The following AP1S3 variants were observed in gnomAD, a reference collection of about 807,000 sequenced individuals.
AP1S3 encodes adaptor related protein complex 1 subunit sigma 3.
A neutral mutation model predicts 20.9 loss-of-function variants in AP1S3; 10 were observed. The observed-to-expected ratio is 0.48, with a 90% CI of 0.29 to 0.81. The LOEUF is 0.81. Ranked by LOEUF, AP1S3 falls within the 30% of genes least tolerant of loss-of-function variation. The probability of loss-of-function intolerance (pLI) is 0.08; values close to 1 mark genes in which losing one functional copy is unlikely to be tolerated. For missense variants in AP1S3, 154 were observed against 183.8 expected (o/e 0.84, Z 0.94); for synonymous variants, 41 against 61.5 (o/e 0.67, Z 1.56).
chr2:223,758,784 C>G (rs746612168), intron 4 of AP1S3, 34 bp from the exon 5 acceptor site: 33 of 1,581,588 alleles, frequency 2.1e-5, no homozygotes, highest in Non-Finnish European at 2.8e-5. Flanking sequence ...ACAATTTTCC[C>G]TTTAAGTCAC....
intron 1 of AP1S3, among the ~76,000 whole-genome samples, chr2:223,821,317 A>T (rs1691982382): frequency 6.6e-6 from 1 of 151,930 alleles, no homozygotes; most frequent in Non-Finnish European, 1.5e-5. Flanking sequence ...CACCACACCC[A>T]GCTAATTTTT....
At chr2:223,827,068 A>G (rs2106130891) in intron 1 of AP1S3, among the ~76,000 whole-genome samples, 1 of 152,348 alleles carries the variant, frequency 6.6e-6, no homozygotes, top group African/African-American at 2.4e-5. Context: ...ACCACTAACA[A>G]ACTTCAAGCA....
chr2:223,820,437 G>T (rs1691959960), intron 1 of AP1S3, among the ~76,000 whole-genome samples: 1 of 151,790 alleles, frequency 6.6e-6, no homozygotes, highest in Non-Finnish European at 1.5e-5. Context: ...GAGGCACGGG[G>T]TGTGCCTGTT....
intron 4 of AP1S3, 92 bp from the exon 5 acceptor site, chr2:223,758,842 CA>C: frequency 8.7e-7 from 1 of 1,144,584 alleles, no homozygotes; most frequent in Non-Finnish European, 1.2e-6. Context: ...ATTTATTTGC[CA>C]TTGTTGAAAA....
intron 3 of AP1S3, among the ~76,000 whole-genome samples, chr2:223,774,140 G>A (rs1168796578): frequency 6.6e-6 from 1 of 152,136 alleles, no homozygotes; most frequent in Non-Finnish European, 1.5e-5. Flanking sequence ...CAAGGCAGGC[G>A]GATCGCCCGA....
intron 1 of AP1S3, among the ~76,000 whole-genome samples, chr2:223,811,352 G>A (rs1380364302): frequency 6.6e-6 from 1 of 152,114 alleles, no homozygotes; most frequent in Non-Finnish European, 1.5e-5. Context: ...CAGATCACCT[G>A]AGTTCAGGAG....
intron 1 of AP1S3, among the ~76,000 whole-genome samples, chr2:223,792,005 C>T (rs1691225257): frequency 6.6e-6 from 1 of 152,104 alleles, no homozygotes; most frequent in African/African-American, 2.4e-5. Context: ...AGAGATGACA[C>T]AAACAAATGG....
intron 1 of AP1S3, among the ~76,000 whole-genome samples, chr2:223,831,762 T>C (rs1692263379): frequency 6.6e-6 from 1 of 151,990 alleles, no homozygotes; most frequent in Non-Finnish European, 1.5e-5. Context: ...AAAAGGACAA[T>C]TCATGAAGAC....
Position 223,803,402 on chromosome 2 carries a change from C to G in AP1S3, c.4-25533G>C, listed in dbSNP as rs563848431. ...TTACTAAATGTTACTGCTCAAAATT[C>G]CATATGTAATTGCTTTTTGCTTCTT... On this transcript the variant is annotated intron_variant, in intron 1 of 4. Transcript: ENST00000396654. 4.6e-5 allele frequency among the ~76,000 whole-genome samples: 7 copies of G among 152,208 alleles called. No homozygotes were observed. In the East Asian group the frequency reaches 1.4e-3, roughly 29 times the overall value.
At chr2:223,782,127 T>A (rs1423772618) in intron 1 of AP1S3, among the ~76,000 whole-genome samples, 1 of 150,720 alleles carries the variant, frequency 6.6e-6, no homozygotes, top group African/African-American at 2.4e-5. Context: ...TTCTCCTGCC[T>A]CAGCCCCCTG....
chr2:223,796,494 T>G (rs1284956761), intron 1 of AP1S3, among the ~76,000 whole-genome samples: 1 of 152,204 alleles, frequency 6.6e-6, no homozygotes, highest in Non-Finnish European at 1.5e-5. Context: ...ATAATAAGTT[T>G]ATCCCAGAAA....
chr2:223,825,886 G>A (rs537994954), intron 1 of AP1S3, among the ~76,000 whole-genome samples: 2 of 152,070 alleles, frequency 1.3e-5, no homozygotes, highest in African/African-American at 2.4e-5. Flanking sequence ...GTGTGGTGGC[G>A]GGCACCTGTA....
At chr2:223,821,971 G>A (rs529857524) in intron 1 of AP1S3, among the ~76,000 whole-genome samples, 143 of 152,238 alleles carry the variant, frequency 9.4e-4, no homozygotes, top group African/African-American at 3.2e-3. Flanking sequence ...AGATATTGTC[G>A]GGAGGTCGCA....
chr2:223,773,498 A>C (rs1444622617), intron 3 of AP1S3: 1 of 831,490 alleles, frequency 1.2e-6, no homozygotes, highest in South Asian at 1.8e-5. Context: ...TACCAAGAGG[A>C]GAAAGAAAAG....
intron 4 of AP1S3, among the ~76,000 whole-genome samples, chr2:223,763,724 G>A (rs1473623958): frequency 2.0e-5 from 3 of 152,070 alleles, no homozygotes; most frequent in Non-Finnish European, 2.9e-5. Context: ...AGCTGCTTAC[G>A]GCACCCACTC....
chr2:223,812,686 G>C (rs992691059), intron 1 of AP1S3, among the ~76,000 whole-genome samples: 3 of 151,872 alleles, frequency 2.0e-5, no homozygotes, highest in African/African-American at 7.3e-5. Flanking sequence ...TGTAAAATTT[G>C]AGCTACTCTG....
chr2:223,813,408 G>A (rs59788845), intron 1 of AP1S3, among the ~76,000 whole-genome samples: 2,133 of 152,220 alleles, frequency 0.014, 60 homozygotes, highest in African/African-American at 0.047. Flanking sequence ...TACATGTCAC[G>A]TCTTATGCTA....
In AP1S3 at chr2:223,799,216, C is replaced by CACACAT. The variant is rs1297027310; in HGVS notation, c.4-21348_4-21347insATGTGT. Reference sequence around the variant, plus strand: ...AGGGAAATTCGGGCCTAGACACACACACACACACACACACACACACACACA... The same window carrying CACACAT: ...AGGGAAATTCGGGCCTAGACACACACACACATACACACACACACACACACACACACA... On this transcript the variant is annotated intron_variant, in intron 1 of 4. Coordinates refer to ENST00000396654, the MANE Select transcript of AP1S3 (RefSeq NM_001039569.2). 4.2e-4 allele frequency among the ~76,000 whole-genome samples: 22 copies of CACACAT among 52,726 alleles called. No homozygotes were observed. The East Asian group carries it at 9.0e-3, about 22-fold the overall frequency. The allele number at this position is 52,726 out of a possible 152,430, so 34.6% of individuals were successfully genotyped here.
rs183050028 is a variant in AP1S3 at position 223,757,300 on chromosome 2, C to T, written c.*1415G>A. 3.0e-4 allele frequency: 46 copies of T among 154,300 alleles called. 1 individual carries two copies. The highest frequency in any genetic ancestry group is 7.8e-4 in the Admixed American group (12 of 15,294). 9.6% of individuals were successfully genotyped at this position (154,300 alleles called of 1,614,324 possible). ...TCCCAAGTAGCTGGGACTACAGGCA[C>T]GCACCACCACTCCCGGCTAATTTTT... is the stretch of plus-strand genomic sequence containing the variant. On this transcript the variant is annotated 3_prime_UTR_variant, in exon 5 of 5. Coordinates refer to ENST00000396654, the MANE Select transcript of AP1S3 (RefSeq NM_001039569.2).
Sources: gnomAD v4.1 joint callset for allele counts (sites outside exome capture counted in the v4.1 genomes callset) on GRCh38, gnomAD v4.1.1 for gene constraint, MANE v1.5 for transcripts, NCBI Gene and HGNC (gene_info 2026-07-23, HGNC 2026-07-21) for gene names.